DAB1: variants seen among roughly 807,000 people sequenced by gnomAD.
The protein encoded by DAB1 is DAB adaptor protein 1.
A neutral mutation model predicts 64.6 loss-of-function variants in DAB1; 15 were observed. That is an observed-to-expected ratio of 0.23 (90% confidence interval 0.16 to 0.36). DAB1 has a LOEUF of 0.36. DAB1 is among the 10% of genes least tolerant of loss of function. DAB1 has a pLI of 1.00. For synonymous variants in DAB1, 235 were observed against 251.9 expected, an observed-to-expected ratio of 0.93 and a Z score of 0.64; for missense variants, 596 against 706.7, an observed-to-expected ratio of 0.84 and a Z score of 1.78.
At chr1:57,612,195 TTGTGTGTGTG>T (rs58605325) in intron 7 of DAB1, among the ~76,000 whole-genome samples, 6 of 149,662 alleles carry the variant, frequency 4.0e-5, no homozygotes, top group Admixed American at 2.7e-4. Flanking sequence ...TGGCATGATC[TTGTGTGTGTG>T]TGTGTGTGTG....
chr1:57,595,220 A>G (rs1645493121), intron 7 of DAB1, among the ~76,000 whole-genome samples: 1 of 151,896 alleles, frequency 6.6e-6, no homozygotes, highest in Non-Finnish European at 1.5e-5. Context: ...ATAATTATTT[A>G]GATTCTAAAA....
intron 5 of DAB1, among the ~76,000 whole-genome samples, chr1:58,070,308 A>G (rs1251714460): frequency 6.6e-6 from 1 of 152,238 alleles, no homozygotes; most frequent in East Asian, 1.9e-4. Context: ...GGAATTGGGC[A>G]GTTGTGGAGC....
intron 2 of DAB1, among the ~76,000 whole-genome samples, chr1:57,262,495 C>T (rs1670256438): frequency 1.3e-5 from 2 of 152,202 alleles, no homozygotes; most frequent in Non-Finnish European, 1.5e-5. Context: ...GCACTGAAAC[C>T]CACAGTTTGT....
intron 5 of DAB1, among the ~76,000 whole-genome samples, chr1:58,128,173 A>G (rs139694122): frequency 1.2e-4 from 19 of 152,044 alleles, no homozygotes; most frequent in Non-Finnish European, 2.5e-4. Context: ...GAGGTCCTTC[A>G]TATCCCTTGT....
intron 6 of DAB1, among the ~76,000 whole-genome samples, chr1:57,704,914 T>TCCTTCCTTC (rs1646949506): frequency 1.4e-5 from 1 of 71,876 alleles, no homozygotes; most frequent in African/African-American, 5.4e-5. Context: ...TCCTTCCTTT[T>TCCTTCCTTC]CATCTTTCCT....
In DAB1 at chr1:57,558,197, C is replaced by A. The variant is rs114547425; in HGVS notation, n.625+91395G>T. ...TTTTCTTTCAGAAGAAAGAGCTTCCCCATCCCCAGTAGTGGCAACATGCCC... is the reference window on the plus strand; with the variant it reads ...TTTTCTTTCAGAAGAAAGAGCTTCCACATCCCCAGTAGTGGCAACATGCCC... On this transcript the variant is annotated intron_variant and non_coding_transcript_variant, in intron 7 of 20. Transcript: ENST00000485760. Among the ~76,000 whole-genome samples the A allele has an allele frequency of 8.3e-3, 1,264 of 152,312 alleles. 14 individuals are homozygous for A. The highest frequency in any genetic ancestry group is 0.029 in the African/African-American group (1,212 of 41,564).
chr1:57,519,116 C>CA (rs1252815597), intron 7 of DAB1, among the ~76,000 whole-genome samples: 5 of 152,184 alleles, frequency 3.3e-5, no homozygotes, highest in Non-Finnish European at 7.3e-5. Flanking sequence ...AATGGCCCCC[C>CA]AAAATGACCT....
intron 6 of DAB1, among the ~76,000 whole-genome samples, chr1:57,807,263 C>G (rs2101879764): frequency 6.6e-6 from 1 of 152,274 alleles, no homozygotes. Context: ...CCCTTTACCT[C>G]AGATCTGGGA....
intron 6 of DAB1, among the ~76,000 whole-genome samples, chr1:57,684,853 G>C (rs12136116): frequency 0.26 from 39,849 of 152,014 alleles, 6,646 homozygotes; most frequent in East Asian, 0.6. Context: ...CCTGACTGCT[G>C]TTTCCCATGT....
intron 7 of DAB1, among the ~76,000 whole-genome samples, chr1:57,485,366 T>TGAG (rs995938058): frequency 2.6e-5 from 4 of 152,336 alleles, no homozygotes; most frequent in African/African-American, 9.6e-5. Flanking sequence ...ACCCCCTCTC[T>TGAG]GATCTTCGGT....
At chr1:57,744,515 A>G (rs762817433) in intron 6 of DAB1, among the ~76,000 whole-genome samples, 9 of 152,168 alleles carry the variant, frequency 5.9e-5, no homozygotes, top group East Asian at 1.9e-4. Context: ...TATATCGGCA[A>G]ACGAAGAACT....
At chr1:58,140,030 T>C (rs976749532) in intron 5 of DAB1, among the ~76,000 whole-genome samples, 2 of 152,220 alleles carry the variant, frequency 1.3e-5, no homozygotes, top group Non-Finnish European at 2.9e-5. Context: ...CAATGGCATA[T>C]TTTGTGCATC....
At chr1:58,401,607 A>C (rs1644568888) in intron 3 of DAB1, among the ~76,000 whole-genome samples, 1 of 152,208 alleles carries the variant, frequency 6.6e-6, no homozygotes, top group Non-Finnish European at 1.5e-5. Flanking sequence ...GAAGGCGTGG[A>C]CTTTTATTTC....
chr1:57,507,170 C>T (rs560229794), intron 7 of DAB1, among the ~76,000 whole-genome samples: 1 of 152,260 alleles, frequency 6.6e-6, no homozygotes, highest in South Asian at 2.1e-4. Flanking sequence ...ACCATCTGGC[C>T]CTAAGCAATC....
intron 2 of DAB1, among the ~76,000 whole-genome samples, chr1:57,187,438 A>G (rs758892188): frequency 2.6e-4 from 40 of 152,174 alleles, no homozygotes; most frequent in Admixed American, 7.9e-4. Flanking sequence ...CTACACAGCA[A>G]TTTGCGTATG....
intron 1 of DAB1, among the ~76,000 whole-genome samples, chr1:57,322,289 C>T (rs185133375): frequency 9.2e-4 from 140 of 152,274 alleles, no homozygotes; most frequent in Non-Finnish European, 1.4e-3. Context: ...AAACTTTGCA[C>T]TTCCATTAAC....
intron 1 of DAB1, among the ~76,000 whole-genome samples, chr1:57,830,269 G>A (rs1652529042): frequency 6.6e-6 from 1 of 152,108 alleles, no homozygotes; most frequent in South Asian, 2.1e-4. Flanking sequence ...TAAAAATAAT[G>A]GTGACACTAT....
intron 3 of DAB1, among the ~76,000 whole-genome samples, chr1:58,454,527 C>A (rs530006410): frequency 4.2e-4 from 64 of 152,272 alleles, no homozygotes; most frequent in Non-Finnish European, 4.6e-4. Flanking sequence ...GATGTCAGGG[C>A]AGGCTAGGGG....
At chr1:57,857,948 A>C (rs1388583098) in intron 1 of DAB1, among the ~76,000 whole-genome samples, 1 of 151,714 alleles carries the variant, frequency 6.6e-6, no homozygotes, top group African/African-American at 2.4e-5. Flanking sequence ...GAAAAAAAAA[A>C]AACAAAACAA....
Sources: allele counts gnomAD v4.1 joint callset (sites outside exome capture counted in the v4.1 genomes callset), GRCh38; gene constraint gnomAD v4.1.1; transcripts MANE v1.5; gene names NCBI Gene and HGNC (gene_info 2026-07-23, HGNC 2026-07-21).